Variants in UBR4 observed in about 807,000 individuals in gnomAD.
UBR4 encodes the protein E3 ubiquitin-protein ligase UBR4.
UBR4 carries 124 observed loss-of-function variants against 575.6 expected under a neutral mutation model. The ratio of observed to expected loss-of-function variants is 0.22; its 90% CI spans 0.19 to 0.25. The LOEUF is 0.25. Ranked by LOEUF, UBR4 falls within the 10% of genes least tolerant of loss-of-function variation. The pLI is 1.00. For synonymous variants in UBR4, 2,455 were observed against 2,473.7 expected (o/e 0.99, Z 0.22); for missense variants, 4,818 against 6,478.8 (o/e 0.74, Z 8.80).
At chr1:19,150,456 T>TA (rs998091450) in intron 49 of UBR4, 121 bp downstream of exon 49, 2 of 1,161,892 alleles carry the variant, frequency 1.7e-6, no homozygotes, top group Admixed American at 4.5e-5. Flanking sequence ...TATGAAAACT[T>TA]AAAAAAATTC....
intron 60 of UBR4, among the ~76,000 whole-genome samples, chr1:19,132,255 C>T (rs1455456537): frequency 3.3e-5 from 5 of 152,080 alleles, no homozygotes; most frequent in African/African-American, 1.2e-4. Flanking sequence ...GATCTCGGCT[C>T]ATAGCAACCT....
chr1:19,186,831 G>C (rs550758772), intron 13 of UBR4, among the ~76,000 whole-genome samples, 174 bp from the exon 14 acceptor site: 1 of 152,162 alleles, frequency 6.6e-6, no homozygotes, highest in Admixed American at 6.5e-5. Flanking sequence ...ACCAACCAGA[G>C]ACGTGGACAA....
In UBR4 at chr1:19,113,703, A is replaced by G; in HGVS notation, c.11453T>C (p.Ile3818Thr). The G allele has an allele frequency of 1.2e-6, 2 of 1,614,170 alleles. No homozygotes were observed. Among genetic ancestry groups the G allele is most frequent in the Non-Finnish European group, 1.7e-6 (2 of 1,180,022 alleles). ...AAGCTGCTCCCCGCTCTCTACCTGGATGATTTTGGAGAGTTCATCAAAAGA... is the reference window on the plus strand; with the variant it reads ...AAGCTGCTCCCCGCTCTCTACCTGGGTGATTTTGGAGAGTTCATCAAAAGA... Reference protein sequence around the residue: ...KNSFDELSKIIQKVFASRKEL... With the variant: ...KNSFDELSKITQKVFASRKEL... Residue 3818 changes from isoleucine to threonine, a missense_variant, in exon 77 of 106, where the codon ATC becomes ACC. Transcript: ENST00000375254.
At position 19,167,077 on chromosome 1, in the gene UBR4, C is replaced by T. The variant is rs1301230107; in HGVS notation, c.4054G>A (p.Glu1352Lys). The T allele has an allele frequency of 6.2e-7, 1 of 1,614,220 alleles. No individual in the cohort carries two copies. The highest frequency in any genetic ancestry group is 8.5e-7 in the Non-Finnish European group (1 of 1,180,036). Reference sequence around the variant, plus strand: ...TTGTAACAACCAGTGATCAGCTTCTCATAAACACGAGCCAAGAACTCATCA... The same window carrying T: ...TTGTAACAACCAGTGATCAGCTTCTTATAAACACGAGCCAAGAACTCATCA... Reference protein sequence around the residue: ...ESDEFLARVYEKLITGCYNIL... With the variant: ...ESDEFLARVYKKLITGCYNIL... The change falls in exon 29 of 106, where the codon GAG becomes AAG. Residue 1352 changes from glutamate to lysine, a missense_variant. Around this residue, in one of 29 missense-constraint regions of UBR4, gnomAD observed 1,172 missense variants for 1,259.7 expected, o/e 0.93. Coordinates refer to ENST00000375254, the MANE Select transcript of UBR4 (RefSeq NM_020765.3).
At position 19,110,473 on chromosome 1, in the gene UBR4, C is replaced by A. The variant is rs745527678; in HGVS notation, c.11893-9G>T. 1 of 1,613,800 alleles carries A rather than the reference C, an allele frequency of 6.2e-7. No homozygotes were observed. The highest frequency in any genetic ancestry group is 8.5e-7 in the Non-Finnish European group (1 of 1,179,856). On this transcript the variant is annotated splice_polypyrimidine_tract_variant and intron_variant, in intron 79 of 105. Transcript: ENST00000375254. This position sits in a 1 kb window ranked among gnomAD's most constrained non-coding sequence, Gnocchi z 4.5. The stretch of plus-strand genomic sequence containing the variant: ...TACTGCAGGCTACTTGCCTAGAAGG[C>A]AATGGGAAGAGACATGAGTCAAGAG...
At chr1:19,081,273 G>T (rs562845617) in intron 103 of UBR4, 76 bp downstream of exon 103, 8 of 1,298,232 alleles carry the variant, frequency 6.2e-6, no homozygotes, top group Non-Finnish European at 8.5e-6. Context: ...CACCTAGCAC[G>T]TGCGTACCAC....
At position 19,146,834 on chromosome 1, in the gene UBR4, A is replaced by G. The variant is rs762050274; in HGVS notation, c.7796T>C (p.Met2599Thr). ...ACAGAGGCCAAGTTCACCTGTTTCC[A>G]TCTGGGGCAGCTTTGACTCCGTAAA... ...VHFTESKLPQ[M>T]ETEGMDEGKE... The change falls in exon 52 of 106, where the codon ATG (methionine) becomes ACG (threonine). Residue 2599 changes from methionine to threonine, a missense_variant. Met to Thr is a moderately conservative substitution (Grantham distance 81). This residue lies in a region of UBR4 where 340 missense variants were observed against 375.4 expected (regional missense o/e 0.91). Transcript: ENST00000375254. 2.3e-5 allele frequency: 37 copies of G among 1,613,188 alleles called. No individual in the cohort carries two copies. The highest frequency in any genetic ancestry group is 2.9e-5 in the Non-Finnish European group (34 of 1,179,496).
chr1:19,172,736 A>C lies in UBR4; in HGVS notation c.3521+128T>G, dbSNP rs944868218. 4.6e-6 allele frequency: 4 copies of C among 863,682 alleles called. No homozygotes were observed. The African/African-American group carries it at 6.8e-5, about 15-fold the overall frequency. The allele number at this position is 863,682 out of a possible 1,614,324, so 53.5% of individuals were successfully genotyped here. ...CAAGCACCCCTTCATACTAGAGAAG[A>C]AAGCATTATACGTGGGGAAAAAAAC... On this transcript the variant is annotated intron_variant, in intron 25 of 105. Coordinates refer to ENST00000375254, the MANE Select transcript of UBR4 (RefSeq NM_020765.3).
chr1:19,104,934 C>T (rs2079027097), intron 85 of UBR4, 114 bp downstream of exon 85: 1 of 1,471,924 alleles, frequency 6.8e-7, no homozygotes. Context: ...CAAACACCTT[C>T]AACAAATATT....
chr1:19,166,416 C>T (rs1331838423), intron 29 of UBR4, among the ~76,000 whole-genome samples: 2 of 142,458 alleles, frequency 1.4e-5, no homozygotes, highest in African/African-American at 5.1e-5. Flanking sequence ...ACTTGATAGT[C>T]ATTAAAAACA....
intron 7 of UBR4, 75 bp downstream of exon 7, chr1:19,197,595 C>A: frequency 2.6e-6 from 4 of 1,567,416 alleles, no homozygotes; most frequent in Non-Finnish European, 3.4e-6. Context: ...CCCCTGCACT[C>A]CAGCCTGGGT....
rs150786150 is a variant in UBR4, at chr1:19,113,775, C to T, written c.11381G>A (p.Arg3794His). The change falls in exon 77 of 106, where the codon CGT becomes CAT. Residue 3794 changes from arginine to histidine, a missense_variant. Physicochemically the swap from Arg to His is conservative, Grantham distance 29 (BLOSUM62 0). Transcript: ENST00000375254. ...GISSTSASVN[R>H]YILQLAQEYC... is the part of the protein sequence containing the mutation. ...CTCCTGAGCCAACTGCAGGATGTAACGATTCACACTGGCAGAAGTGGAGCT... is the reference window on the plus strand; with the variant it reads ...CTCCTGAGCCAACTGCAGGATGTAATGATTCACACTGGCAGAAGTGGAGCT... The T allele has an allele frequency of 5.6e-6, 9 of 1,614,210 alleles. No homozygotes were observed. Among genetic ancestry groups the T allele is most frequent in the South Asian group, 2.2e-5 (2 of 91,088 alleles).
In UBR4 at chr1:19,088,146, C is replaced by T. The variant is rs991306973; in HGVS notation, c.14431-217G>A. 6.6e-6 allele frequency among the ~76,000 whole-genome samples: 1 copy of T among 152,274 alleles called. No individual in the cohort carries two copies. The highest frequency in any genetic ancestry group is 1.5e-5 in the Non-Finnish European group (1 of 68,044). On this transcript the variant is annotated intron_variant, in intron 98 of 105. Coordinates refer to ENST00000375254, the MANE Select transcript of UBR4 (RefSeq NM_020765.3). The surrounding 1 kb of genome is among the most constrained non-coding windows in gnomAD (Gnocchi z 4.0). ...GAACCACTGAAGCAAAGGAAGTCAT[C>T]CAGCTGGAGCCCTGGCAAGGTGCCA...
Position 19,152,141 on chromosome 1 carries a change from T to C in UBR4, c.6996+172A>G, listed in dbSNP as rs1267096866. On this transcript the variant is annotated intron_variant, in intron 47 of 105. Coordinates refer to ENST00000375254, the MANE Select transcript of UBR4 (RefSeq NM_020765.3). The surrounding 1 kb of genome is among the most constrained non-coding windows in gnomAD (Gnocchi z 4.4). ...TGGAAACCCAACCTGTACAAGTCCT[T>C]TGCCAAGTGAGTAAGAATATCCATT... Among the ~76,000 whole-genome samples the C allele has an allele frequency of 1.3e-5, 2 of 152,194 alleles. No individual in the cohort carries two copies. Among genetic ancestry groups the C allele is most frequent in the Non-Finnish European group, 2.9e-5 (2 of 68,034 alleles).
chr1:19,177,304 G>A (rs1376549737), intron 19 of UBR4, among the ~76,000 whole-genome samples, 157 bp downstream of exon 19: 1 of 152,106 alleles, frequency 6.6e-6, no homozygotes, highest in Non-Finnish European at 1.5e-5. Flanking sequence ...TAAACATCAA[G>A]TACAAAGTCT....
At chr1:19,151,458 G>A (rs748991100) in intron 48 of UBR4, 185 bp downstream of exon 48, 163 of 669,336 alleles carry the variant, frequency 2.4e-4, no homozygotes, top group Non-Finnish European at 3.9e-4. Context: ...ACCATGCTCC[G>A]GTGTACTCCT....
Position 19,138,046 on chromosome 1 carries a change from CCTT to C in UBR4, c.8864_8866del (p.Glu2955del), listed in dbSNP as rs1417489017. On this transcript the variant is annotated inframe_deletion, in exon 60 of 106. Coordinates refer to ENST00000375254, the MANE Select transcript of UBR4 (RefSeq NM_020765.3). ...GACATCTCCTTCAGTTTCTCCTTCT[CCTT>C]CTCCCTCGGAGCCATCTCCCTCCTG... The C allele has an allele frequency of 1.3e-6, 2 of 1,582,642 alleles. No homozygotes were observed. Among genetic ancestry groups the C allele is most frequent in the Non-Finnish European group, 1.7e-6 (2 of 1,160,192 alleles).
chr1:19,095,122 C>T, intron 93 of UBR4, 97 bp from the exon 94 acceptor site: 1 of 1,561,534 alleles, frequency 6.4e-7, no homozygotes, highest in South Asian at 1.1e-5. Flanking sequence ...AGCCTTACTC[C>T]CCAGAGACCA....
intron 103 of UBR4, chr1:19,079,832 T>C (rs1181025675): frequency 1.3e-5 from 2 of 152,258 alleles, no homozygotes; most frequent in Non-Finnish European, 2.9e-5. Flanking sequence ...TGTGCTTTGG[T>C]AAGCAGAAAT....
Sources: allele counts gnomAD v4.1 joint callset (sites outside exome capture counted in the v4.1 genomes callset), GRCh38; gene constraint gnomAD v4.1.1; regional missense constraint gnomAD v4.1.1; non-coding constraint Gnocchi (gnomAD v3.1); transcripts MANE v1.5; gene names NCBI Gene and HGNC (gene_info 2026-07-23, HGNC 2026-07-21).